The following PTPN13 variants were observed in gnomAD, a reference collection of about 807,000 sequenced individuals.
The protein encoded by PTPN13 is protein tyrosine phosphatase non-receptor type 13.
A neutral mutation model predicts 284.0 loss-of-function variants in PTPN13; 191 were observed. The observed-to-expected ratio is 0.67, with a 90% confidence interval of 0.60 to 0.76. The LOEUF (loss-of-function observed/expected upper bound fraction) is 0.76, where lower values mean the gene tolerates loss of function less well. Among genes scored for constraint, PTPN13 ranks in the 30% least tolerant of loss-of-function variants. The pLI is 0.00. For synonymous variants in PTPN13, 986 were observed against 1,022.3 expected, an observed-to-expected ratio of 0.96 and a Z score of 0.68; for missense variants, 2,797 against 2,939.9, an observed-to-expected ratio of 0.95 and a Z score of 1.12.
At chr4:86,615,362 C>G (rs17011956) in intron 1 of PTPN13, among the ~76,000 whole-genome samples, 9,364 of 152,090 alleles carry the variant, frequency 0.062, 423 homozygotes, top group African/African-American at 0.11. Flanking sequence ...ACTTACATGA[C>G]TGTATTTCTG....
At chr4:86,616,252 T>A (rs939678134) in intron 1 of PTPN13, among the ~76,000 whole-genome samples, 1 of 152,308 alleles carries the variant, frequency 6.6e-6, no homozygotes, top group East Asian at 1.9e-4. Flanking sequence ...TAAAGTGTTA[T>A]AAATGTCATG....
intron 16 of PTPN13, 51 bp downstream of exon 16, chr4:86,741,867 T>C (rs1414631855): frequency 2.7e-6 from 4 of 1,461,976 alleles, no homozygotes; most frequent in Non-Finnish European, 3.7e-6. Context: ...TATTACCAAC[T>C]TCCAATGTAA....
At chr4:86,603,737 C>A (rs1220182571) in intron 1 of PTPN13, among the ~76,000 whole-genome samples, 1 of 151,986 alleles carries the variant, frequency 6.6e-6, no homozygotes, top group Non-Finnish European at 1.5e-5. Flanking sequence ...CTATTCTCTG[C>A]AATATATCCT....
intron 3 of PTPN13, 71 bp downstream of exon 3, chr4:86,672,614 C>A: frequency 1.7e-6 from 2 of 1,201,474 alleles, no homozygotes; most frequent in Non-Finnish European, 1.1e-6. Flanking sequence ...AATGGGCTAC[C>A]ATGTTTCAAC....
intron 17 of PTPN13, among the ~76,000 whole-genome samples, chr4:86,748,921 C>T (rs957565293): frequency 2.0e-5 from 3 of 152,166 alleles, no homozygotes; most frequent in African/African-American, 7.2e-5. Context: ...TCCCAAAGTG[C>T]TGGGATTACA....
intron 1 of PTPN13, among the ~76,000 whole-genome samples, chr4:86,622,097 C>G (rs1404489000): frequency 6.6e-6 from 1 of 152,182 alleles, no homozygotes; most frequent in Non-Finnish European, 1.5e-5. Context: ...GTTATCATTA[C>G]AACCCCCTGT....
intron 7 of PTPN13, among the ~76,000 whole-genome samples, chr4:86,709,467 A>G (rs183890755): frequency 1.8e-4 from 27 of 152,284 alleles, no homozygotes; most frequent in African/African-American, 6.0e-4. Flanking sequence ...CAATGTGGCT[A>G]TTAAAGAATT....
At chr4:86,622,852 G>A (rs1360948370) in intron 1 of PTPN13, among the ~76,000 whole-genome samples, 2 of 152,082 alleles carry the variant, frequency 1.3e-5, no homozygotes, top group African/African-American at 4.8e-5. Flanking sequence ...TACCTACTTA[G>A]CATCTTCACT....
At chr4:86,595,202 G>T (rs1254078124) in intron 1 of PTPN13, among the ~76,000 whole-genome samples, 1 of 152,098 alleles carries the variant, frequency 6.6e-6, no homozygotes, top group East Asian at 1.9e-4. Flanking sequence ...TTCTGCAAAT[G>T]ATTGTGGAGA....
In PTPN13 at chr4:86,735,681, T is replaced by C. The variant is rs756238385; in HGVS notation, c.2239T>C (p.Leu747=). 9 of 1,613,286 alleles carry C rather than the reference T, an allele frequency of 5.6e-6. No homozygotes were observed. Among genetic ancestry groups the C allele is most frequent in the Non-Finnish European group, 7.6e-6 (9 of 1,179,610 alleles). The change falls in exon 15 of 48, where the codon TTA becomes CTA. Residue 747 remains leucine (L), a synonymous_variant. Transcript: ENST00000411767. ...KLDLSYIKEE[L]PKLHNTYVGA... is the part of the protein sequence containing the mutation. The stretch of plus-strand genomic sequence containing the variant: ...TGATTTATCCTATATCAAAGAAGAG[T>C]TACCCAAATTGCATAATACCTATGT...
intron 1 of PTPN13, among the ~76,000 whole-genome samples, chr4:86,632,911 C>T (rs1023284919): frequency 7.9e-5 from 12 of 152,164 alleles, no homozygotes; most frequent in Admixed American, 3.9e-4. Flanking sequence ...TGGGCTCAAG[C>T]GAGCCTCCCT....
chr4:86,696,198 T>G (rs1167980000), intron 6 of PTPN13, among the ~76,000 whole-genome samples: 2 of 151,968 alleles, frequency 1.3e-5, no homozygotes, highest in Non-Finnish European at 2.9e-5. Flanking sequence ...ATAAAGGACA[T>G]TCATAAAAGT....
At chr4:86,676,025 G>T (rs1386116895) in intron 3 of PTPN13, among the ~76,000 whole-genome samples, 1 of 152,114 alleles carries the variant, frequency 6.6e-6, no homozygotes, top group Admixed American at 6.6e-5. Context: ...TCTTTAGAAA[G>T]ACAATAATAG....
At chr4:86,734,969 T>C (rs1268768378) in intron 14 of PTPN13, 94 bp downstream of exon 14, 2 of 1,385,966 alleles carry the variant, frequency 1.4e-6, no homozygotes, top group African/African-American at 2.9e-5. Flanking sequence ...GTTTGATGTT[T>C]AGATCTGAAG....
chr4:86,796,134 G>C (rs561272654), intron 40 of PTPN13, among the ~76,000 whole-genome samples: 1 of 152,186 alleles, frequency 6.6e-6, no homozygotes, highest in Admixed American at 6.5e-5. Flanking sequence ...CTCAGTTAAA[G>C]TATGAGTTGA....
At position 86,765,480 on chromosome 4, in the gene PTPN13, T is replaced by C. The variant is rs1396028157; in HGVS notation, c.4235T>C (p.Ile1412Thr). The C allele has an allele frequency of 2.5e-6, 4 of 1,579,220 alleles. No homozygotes were observed. In the African/African-American group the frequency reaches 5.4e-5, roughly 21 times the overall value. Residue 1412 changes from isoleucine to threonine, a missense_variant, in exon 26 of 48, where the codon ATT becomes ACT. Ile to Thr is a moderately conservative substitution (Grantham distance 89). Transcript: ENST00000411767. ...PQGAAESDGR[I>T]HKGDRVLAVN... is the part of the protein sequence containing the mutation. ...GGAGCAGCAGAGTCTGATGGTAGAA[T>C]TCACAAAGGTATAGTGTTTATATTA...
intron 1 of PTPN13, among the ~76,000 whole-genome samples, chr4:86,606,958 C>T (rs889629526): frequency 6.6e-6 from 1 of 151,834 alleles, no homozygotes; most frequent in Non-Finnish European, 1.5e-5. Context: ...AGAAAAATAA[C>T]TCAAGAGGAA....
At chr4:86,646,500 C>G (rs546619368) in intron 2 of PTPN13, among the ~76,000 whole-genome samples, 41 of 152,228 alleles carry the variant, frequency 2.7e-4, no homozygotes, top group African/African-American at 9.4e-4. Context: ...ATTTTGCCAT[C>G]TTGGCCAGGC....
chr4:86,786,195 A>C (rs1741895362), intron 40 of PTPN13, among the ~76,000 whole-genome samples: 1 of 152,202 alleles, frequency 6.6e-6, no homozygotes, highest in Non-Finnish European at 1.5e-5. Context: ...AACTTTATAA[A>C]TTATTCTTTA....
Sources: allele counts gnomAD v4.1 joint callset (sites outside exome capture counted in the v4.1 genomes callset), GRCh38; gene constraint gnomAD v4.1.1; transcripts MANE v1.5; gene names NCBI Gene and HGNC (gene_info 2026-07-23, HGNC 2026-07-21).